Variants in PALLD observed in about 807,000 individuals in gnomAD.
The protein encoded by PALLD is palladin.
In PALLD, 61 loss-of-function variants were observed where a neutral mutation model predicts 123.5. That is an observed-to-expected ratio of 0.49 (90% CI 0.40 to 0.61). The LOEUF (loss-of-function observed/expected upper bound fraction) is 0.61. Among genes scored for constraint, PALLD ranks in the 20% least tolerant of loss-of-function variants. PALLD has a pLI of 0.00. For missense variants in PALLD, 1,273 were observed against 1,377.0 expected (o/e 0.92, Z 1.20); for synonymous variants, 465 against 496.4 (o/e 0.94, Z 0.84).
intron 3 of PALLD, among the ~76,000 whole-genome samples, chr4:168,670,766 AAAAAAAAAC>A (rs1561375410): frequency 6.3e-5 from 4 of 63,504 alleles, no homozygotes; most frequent in Middle Eastern, 7.1e-3. Context: ...CAAAAAAAAC[AAAAAAAAAC>A]AAAAAAAAAA....
chr4:168,768,808 G>A (rs1313194897), intron 10 of PALLD, among the ~76,000 whole-genome samples: 1 of 151,990 alleles, frequency 6.6e-6, no homozygotes, highest in African/African-American at 2.4e-5. Flanking sequence ...GAGTAGCTGG[G>A]GCTACAGGCA....
At chr4:168,913,261 C>G in intron 15 of PALLD, among the ~76,000 whole-genome samples, 1 of 151,754 alleles carries the variant, frequency 6.6e-6, no homozygotes, top group East Asian at 1.9e-4. Context: ...CTCAGCCTCC[C>G]AAGTAGCTGG....
rs193275410 is a variant in PALLD, at chr4:168,884,802, A to G, written c.1965-6120A>G. On this transcript the variant is annotated intron_variant, in intron 10 of 21. Coordinates refer to ENST00000505667, the MANE Select transcript of PALLD (RefSeq NM_001166108.2). ...TCTTCCATTCTGTTTATCTCAGCCA[A>G]TCTTGTCTCTGTGACTTACTTCCAT... is the stretch of plus-strand genomic sequence containing the variant. 1.4e-4 allele frequency among the ~76,000 whole-genome samples: 22 copies of G among 152,188 alleles called. No individual in the cohort carries two copies. In the East Asian group the frequency reaches 3.9e-3, roughly 27 times the overall value.
chr4:168,780,584 G>A (rs747954721), intron 10 of PALLD, among the ~76,000 whole-genome samples: 15 of 152,204 alleles, frequency 9.9e-5, no homozygotes, highest in Non-Finnish European at 1.5e-4. Context: ...TCTGTAGCCA[G>A]TTGTTATGAA....
chr4:168,920,634 G>A (rs1761285601), intron 17 of PALLD, among the ~76,000 whole-genome samples: 1 of 152,110 alleles, frequency 6.6e-6, no homozygotes, highest in Admixed American at 6.6e-5. Context: ...GCAATTAAAT[G>A]CTTTTATCTG....
At chr4:168,801,430 C>T (rs949426174) in intron 10 of PALLD, among the ~76,000 whole-genome samples, 2 of 152,122 alleles carry the variant, frequency 1.3e-5, no homozygotes, top group Non-Finnish European at 2.9e-5. Context: ...AGGCGCATGC[C>T]ACCACACCCA....
intron 14 of PALLD, among the ~76,000 whole-genome samples, chr4:168,901,900 G>C (rs1560888274): frequency 1.3e-5 from 2 of 152,026 alleles, no homozygotes; most frequent in Non-Finnish European, 2.9e-5. Context: ...TAATTATGAA[G>C]TATGATACTT....
chr4:168,607,114 T>C (rs1406877136), intron 2 of PALLD, among the ~76,000 whole-genome samples: 1 of 151,988 alleles, frequency 6.6e-6, no homozygotes, highest in African/African-American at 2.4e-5. Flanking sequence ...GGGAACATTA[T>C]ATATAGGTGC....
At chr4:168,598,040 G>T (rs1358422395) in intron 2 of PALLD, among the ~76,000 whole-genome samples, 4 of 151,858 alleles carry the variant, frequency 2.6e-5, no homozygotes, top group Non-Finnish European at 5.9e-5. Context: ...ACCCCTATAA[G>T]AAAAAATGTA....
intron 10 of PALLD, among the ~76,000 whole-genome samples, chr4:168,752,184 G>T (rs181710645): frequency 1.3e-5 from 2 of 152,314 alleles, no homozygotes; most frequent in African/African-American, 4.8e-5. Flanking sequence ...ACCAGCCTGA[G>T]CAACATGGTG....
At chr4:168,561,080 C>T (rs888952252) in intron 2 of PALLD, among the ~76,000 whole-genome samples, 4 of 152,068 alleles carry the variant, frequency 2.6e-5, no homozygotes, top group Admixed American at 6.6e-5. Context: ...GACAGTGAGA[C>T]ATGAGCAGCC....
intron 10 of PALLD, among the ~76,000 whole-genome samples, chr4:168,795,599 G>A (rs539816541): frequency 6.6e-5 from 10 of 152,246 alleles, no homozygotes; most frequent in African/African-American, 2.4e-4. Flanking sequence ...GTTCCTATGT[G>A]GATGAGCTCT....
intron 10 of PALLD, among the ~76,000 whole-genome samples, chr4:168,839,101 C>T (rs1307225474): frequency 2.6e-5 from 4 of 152,048 alleles, no homozygotes; most frequent in African/African-American, 9.7e-5. Flanking sequence ...TACAGGCATG[C>T]GCCACCACGC....
chr4:168,855,154 G>C (rs534259837), intron 10 of PALLD, among the ~76,000 whole-genome samples: 1 of 145,162 alleles, frequency 6.9e-6, no homozygotes, highest in African/African-American at 2.5e-5. Context: ...GCAGTGGCGC[G>C]ATCTTGGCTC....
intron 2 of PALLD, among the ~76,000 whole-genome samples, chr4:168,665,408 A>G (rs2149999272): frequency 6.6e-6 from 1 of 152,326 alleles, no homozygotes; most frequent in Non-Finnish European, 1.5e-5. Context: ...CTGCTTTGGC[A>G]TGCGAGGGAC....
chr4:168,782,746 T>TAA (rs111654941), intron 10 of PALLD, among the ~76,000 whole-genome samples: 15 of 145,248 alleles, frequency 1.0e-4, no homozygotes, highest in African/African-American at 3.8e-4. Context: ...CTGTCTTTAC[T>TAA]AAAAAAAAAA....
At chr4:168,664,123 G>A (rs181501047) in intron 2 of PALLD, among the ~76,000 whole-genome samples, 1 of 152,258 alleles carries the variant, frequency 6.6e-6, no homozygotes, top group Non-Finnish European at 1.5e-5. Flanking sequence ...TCTCAATCCA[G>A]CCATTTACTA....
At chr4:168,832,893 G>A (rs899019954) in intron 10 of PALLD, 4 of 152,252 alleles carry the variant, frequency 2.6e-5, no homozygotes, top group Admixed American at 2.0e-4. Flanking sequence ...CAGCCGCTTT[G>A]TTCACGCCGG....
chr4:168,821,956 C>G (rs1226763599), intron 10 of PALLD, among the ~76,000 whole-genome samples: 2 of 150,574 alleles, frequency 1.3e-5, no homozygotes, highest in Non-Finnish European at 3.0e-5. Flanking sequence ...GCCCACTGCT[C>G]TGTATAATAC....
Sources: allele counts gnomAD v4.1 joint callset (sites outside exome capture counted in the v4.1 genomes callset), GRCh38; gene constraint gnomAD v4.1.1; transcripts MANE v1.5; gene names NCBI Gene and HGNC (gene_info 2026-07-23, HGNC 2026-07-21).